The following CAST variants were observed in gnomAD, a reference collection of about 807,000 sequenced individuals.
CAST encodes the protein MIR583 host.
In CAST, 76 loss-of-function variants were observed where a neutral mutation model predicts 119.6. The observed-to-expected ratio is 0.64, with a 90% CI of 0.53 to 0.77. The LOEUF is 0.77. Ranked by LOEUF, CAST falls within the 30% of genes least tolerant of loss-of-function variation. The pLI is 0.00. For missense variants in CAST, 953 were observed against 946.5 expected (o/e 1.01, Z -0.09); for synonymous variants, 319 against 331.6 (o/e 0.96, Z 0.41).
intron 1 of CAST, among the ~76,000 whole-genome samples, chr5:96,647,399 T>G (rs1748027247): frequency 6.6e-6 from 1 of 152,162 alleles, no homozygotes; most frequent in African/African-American, 2.4e-5. Context: ...CGTTTTAGAT[T>G]TAATAGGATT....
At chr5:96,199,246 GA>G in the CAST span, among the ~76,000 whole-genome samples, 1 of 152,232 alleles carries the variant, frequency 6.6e-6, no homozygotes, top group South Asian at 2.1e-4. Flanking sequence ...TTTTGAGAAA[GA>G]AAGGCTTTGG....
At chr5:96,629,223 A>G (rs1037626468) in intron 1 of CAST, among the ~76,000 whole-genome samples, 1 of 152,164 alleles carries the variant, frequency 6.6e-6, no homozygotes, top group Non-Finnish European at 1.5e-5. Flanking sequence ...ACCTCTCTCT[A>G]TGGTGAGTGT....
At chr5:96,322,521 T>C in the CAST span, among the ~76,000 whole-genome samples, 2 of 152,150 alleles carry the variant, frequency 1.3e-5, no homozygotes, top group African/African-American at 4.8e-5. Flanking sequence ...TGTTCATTCT[T>C]ATGCAGCTTT....
At chr5:96,720,637 G>A (rs771437543) in intron 3 of CAST, among the ~76,000 whole-genome samples, 4 of 152,218 alleles carry the variant, frequency 2.6e-5, no homozygotes, top group East Asian at 1.9e-4. Context: ...TACACCCTGC[G>A]CCATTGCTGA....
chr5:96,261,845 T>C, the CAST span, among the ~76,000 whole-genome samples: 6 of 152,180 alleles, frequency 3.9e-5, no homozygotes, highest in Admixed American at 1.3e-4. Flanking sequence ...GTCTGAAAGA[T>C]AGGTTTTATC....
At chr5:96,025,955 G>A in the CAST span, among the ~76,000 whole-genome samples, 2 of 152,230 alleles carry the variant, frequency 1.3e-5, no homozygotes, top group African/African-American at 4.8e-5. Flanking sequence ...CATAGAGGTA[G>A]GGTGTGGTGG....
chr5:96,115,826 C>A, the CAST span, among the ~76,000 whole-genome samples: 1 of 151,950 alleles, frequency 6.6e-6, no homozygotes, highest in African/African-American at 2.4e-5. Flanking sequence ...CACCTCGAAT[C>A]TGTTACGAAA....
chr5:96,388,416 C>G, the CAST span, among the ~76,000 whole-genome samples: 4 of 152,164 alleles, frequency 2.6e-5, no homozygotes, highest in Admixed American at 2.0e-4. Flanking sequence ...GCTTAAGGGG[C>G]AGTAGCTCCT....
upstream of CAST, among the ~76,000 whole-genome samples, chr5:96,658,233 C>T (rs561110206): frequency 1.3e-3 from 205 of 152,172 alleles, no homozygotes; most frequent in African/African-American, 4.8e-3. Flanking sequence ...ACCATGCACA[C>T]ATCATCCCAA....
the CAST span, among the ~76,000 whole-genome samples, chr5:96,284,587 A>G: frequency 7.5e-4 from 114 of 152,300 alleles, no homozygotes; most frequent in Non-Finnish European, 1.3e-3. Flanking sequence ...AGCGTGATCG[A>G]TCTGCAGCCT....
the CAST span, among the ~76,000 whole-genome samples, chr5:96,230,942 A>AC: frequency 2.6e-5 from 4 of 152,172 alleles, no homozygotes; most frequent in Non-Finnish European, 5.9e-5. Context: ...ACAACGAGAT[A>AC]CTACTTCACA....
the CAST span, among the ~76,000 whole-genome samples, chr5:96,089,273 G>GCATAGCCTTCTGGAGGCAATTTTGTT: frequency 6.6e-5 from 10 of 152,008 alleles, no homozygotes; most frequent in Non-Finnish European, 1.0e-4. Flanking sequence ...ATAAACCAGT[G>GCATAGCCTTCTGGAGGCAATTTTGTT]CATAGCCTTC....
chr5:96,251,817 T>C, the CAST span, among the ~76,000 whole-genome samples: 1 of 152,138 alleles, frequency 6.6e-6, no homozygotes, highest in Non-Finnish European at 1.5e-5. Flanking sequence ...GAAACTCTAG[T>C]GGTTGATTCT....
the CAST span, among the ~76,000 whole-genome samples, chr5:96,164,867 C>A: frequency 6.6e-6 from 1 of 151,892 alleles, no homozygotes; most frequent in East Asian, 1.9e-4. Flanking sequence ...GGTGGAAGTA[C>A]TGGGAATGGT....
chr5:96,160,547 A>G, the CAST span, among the ~76,000 whole-genome samples: 1 of 152,146 alleles, frequency 6.6e-6, no homozygotes, highest in Non-Finnish European at 1.5e-5. Flanking sequence ...CTTTTTGGCT[A>G]TTATGAATAC....
At chr5:96,530,021 GA>G in intron 1 of CAST, 1 of 193,354 alleles carries the variant, frequency 5.2e-6, no homozygotes, top group Non-Finnish European at 1.1e-5. Context: ...GCTAGTGTTG[GA>G]AAAGCTGATA....
At chr5:96,508,528 A>G in the CAST span, among the ~76,000 whole-genome samples, 1 of 152,206 alleles carries the variant, frequency 6.6e-6, no homozygotes, top group Non-Finnish European at 1.5e-5. Context: ...TGGGGAGTCC[A>G]TAAAGTGAAT....
chr5:95,989,075 G>T, the CAST span, among the ~76,000 whole-genome samples: 1 of 152,118 alleles, frequency 6.6e-6, no homozygotes, highest in Non-Finnish European at 1.5e-5. Flanking sequence ...TTAAGCACAG[G>T]CCTAGCAGCT....
chr5:96,036,238 G>T, the CAST span, among the ~76,000 whole-genome samples: 25 of 152,096 alleles, frequency 1.6e-4, no homozygotes, highest in East Asian at 4.8e-3. Flanking sequence ...CTTGAGAGAG[G>T]TGGGAGTGAG....
Sources: allele counts gnomAD v4.1 joint callset (sites outside exome capture counted in the v4.1 genomes callset), GRCh38; gene constraint gnomAD v4.1.1; transcripts MANE v1.5; gene names NCBI Gene and HGNC (gene_info 2026-07-23, HGNC 2026-07-21).